PABPC4L: variants seen among roughly 807,000 people sequenced by gnomAD.
PABPC4L encodes the protein polyadenylate-binding protein 4-like.
For missense variants in PABPC4L, 452 were observed against 451.4 expected (o/e 1.00, Z -0.01); for synonymous variants, 169 against 164.1 (o/e 1.03, Z -0.23).
the PABPC4L span, among the ~76,000 whole-genome samples, chr4:134,078,311 T>C: frequency 7.9e-5 from 12 of 152,172 alleles, no homozygotes. Flanking sequence ...TGTATAAAAA[T>C]AACAGACGTG....
chr4:134,049,567 G>A, the PABPC4L span, among the ~76,000 whole-genome samples: 8 of 151,958 alleles, frequency 5.3e-5, no homozygotes, highest in Non-Finnish European at 1.0e-4. Flanking sequence ...ATTTTAACAC[G>A]GAAAAACTAG....
chr4:134,174,492 G>A, the PABPC4L span, among the ~76,000 whole-genome samples: 3 of 152,090 alleles, frequency 2.0e-5, no homozygotes, highest in South Asian at 2.1e-4. Context: ...TGCTATGACC[G>A]CTATAACCAT....
the PABPC4L span, among the ~76,000 whole-genome samples, chr4:134,133,046 A>T: frequency 7.2e-6 from 1 of 138,640 alleles, no homozygotes; most frequent in Non-Finnish European, 1.5e-5. Context: ...TTCATACATT[A>T]TATATATTAT....
the PABPC4L span, among the ~76,000 whole-genome samples, chr4:134,122,086 A>C: frequency 6.6e-6 from 1 of 151,792 alleles, no homozygotes; most frequent in East Asian, 1.9e-4. Context: ...ACACAACTAC[A>C]CTACCATATC....
chr4:134,112,672 T>A, the PABPC4L span, among the ~76,000 whole-genome samples: 2 of 151,912 alleles, frequency 1.3e-5, no homozygotes, highest in Non-Finnish European at 2.9e-5. Flanking sequence ...TGCACACTAA[T>A]GTATATATAA....
chr4:134,040,206 A>T, the PABPC4L span, among the ~76,000 whole-genome samples: 5 of 70,276 alleles, frequency 7.1e-5, no homozygotes, highest in South Asian at 1.7e-3. Flanking sequence ...ACAGAATTGG[A>T]AAAAAAAAAA....
At chr4:134,191,290 G>A in the PABPC4L span, among the ~76,000 whole-genome samples, 5 of 151,970 alleles carry the variant, frequency 3.3e-5, no homozygotes, top group South Asian at 2.1e-4. Flanking sequence ...TCAACCAGAC[G>A]GAAAATTAAA....
chr4:134,139,532 T>C, the PABPC4L span, among the ~76,000 whole-genome samples: 3 of 151,960 alleles, frequency 2.0e-5, no homozygotes, highest in Admixed American at 1.3e-4. Flanking sequence ...GCAGATTTCA[T>C]AACTATACTC....
the PABPC4L span, among the ~76,000 whole-genome samples, chr4:134,043,763 A>G: frequency 6.6e-6 from 1 of 152,176 alleles, no homozygotes; most frequent in Non-Finnish European, 1.5e-5. Flanking sequence ...TGTGTGTGGA[A>G]AATTGAAAAT....
chr4:134,165,459 C>T, the PABPC4L span, among the ~76,000 whole-genome samples: 1 of 151,932 alleles, frequency 6.6e-6, no homozygotes, highest in African/African-American at 2.4e-5. Flanking sequence ...TAATAAACCC[C>T]TCAAAAGGTG....
the PABPC4L span, among the ~76,000 whole-genome samples, chr4:134,128,112 GA>G: frequency 6.6e-6 from 1 of 151,890 alleles, no homozygotes. Flanking sequence ...CGAAGACAAA[GA>G]AAAAAGAATT....
At chr4:134,191,289 C>T in the PABPC4L span, among the ~76,000 whole-genome samples, 7 of 151,844 alleles carry the variant, frequency 4.6e-5, no homozygotes, top group Admixed American at 1.3e-4. Context: ...TTCAACCAGA[C>T]GGAAAATTAA....
chr4:134,009,296 C>T, the PABPC4L span, among the ~76,000 whole-genome samples: 2 of 151,892 alleles, frequency 1.3e-5, no homozygotes, highest in African/African-American at 4.8e-5. Context: ...CTTTGATTGG[C>T]ACAATACAGA....
At chr4:134,169,728 A>G in the PABPC4L span, among the ~76,000 whole-genome samples, 1 of 152,126 alleles carries the variant, frequency 6.6e-6, no homozygotes, top group Non-Finnish European at 1.5e-5. Context: ...TACTTGGCCA[A>G]ATAAGTGAAA....
the PABPC4L span, among the ~76,000 whole-genome samples, chr4:133,985,396 T>C: frequency 5.9e-5 from 9 of 151,990 alleles, no homozygotes; most frequent in Non-Finnish European, 1.2e-4. Context: ...GGGGGTGATA[T>C]GGAGATTGGA....
chr4:134,057,946 A>T, the PABPC4L span, among the ~76,000 whole-genome samples: 1 of 152,084 alleles, frequency 6.6e-6, no homozygotes, highest in African/African-American at 2.4e-5. Flanking sequence ...AATTAAAATA[A>T]TTCTTATGAG....
chr4:134,028,171 T>G, the PABPC4L span, among the ~76,000 whole-genome samples: 8 of 152,160 alleles, frequency 5.3e-5, no homozygotes, highest in South Asian at 2.1e-4. Context: ...CTCCACTGTT[T>G]GTTGTTTAAC....
At chr4:134,029,559 C>T in the PABPC4L span, among the ~76,000 whole-genome samples, 5 of 151,774 alleles carry the variant, frequency 3.3e-5, no homozygotes, top group Non-Finnish European at 7.4e-5. Flanking sequence ...TTGCTGTTTG[C>T]TTAGCTAGAT....
the PABPC4L span, among the ~76,000 whole-genome samples, chr4:134,050,727 A>AAAAAAAAAAAAAAT: frequency 6.9e-6 from 1 of 145,694 alleles, no homozygotes; most frequent in Non-Finnish European, 1.5e-5. Context: ...AAAAAAAAAA[A>AAAAAAAAAAAAAAT]GTGAAAGACA....
Sources: allele counts gnomAD v4.1 joint callset (sites outside exome capture counted in the v4.1 genomes callset), GRCh38; gene constraint gnomAD v4.1.1; transcripts MANE v1.5; gene names NCBI Gene and HGNC (gene_info 2026-07-23, HGNC 2026-07-21).